Variants in MYH14 observed in about 807,000 individuals in gnomAD.
MYH14 encodes myosin heavy chain 14, also known as myosin-14.
Under a neutral mutation model 255.5 loss-of-function variants are expected in MYH14, and 123 were observed. The ratio of observed to expected loss-of-function variants is 0.48; its 90% CI spans 0.42 to 0.56. MYH14 has a LOEUF of 0.56. Among genes scored for constraint, MYH14 ranks in the 20% least tolerant of loss-of-function variants. The pLI, the probability that MYH14 is intolerant of heterozygous loss-of-function variation, is 0.00. For synonymous variants in MYH14, 1,095 were observed against 1,161.2 expected (o/e 0.94, Z 1.16); for missense variants, 2,423 against 2,802.3 (o/e 0.86, Z 3.06).
chr19:50,291,033 G>A lies in MYH14; in HGVS notation c.5112G>A (p.Gln1704=). The change falls in exon 36 of 43, where the codon CAG becomes CAA. Residue 1704 remains glutamine (Q), a synonymous_variant. Transcript: ENST00000642316. ...AGQGKEEAVK[Q]LRKMQAQMKE... ...AGGGCAAGGAGGAGGCGGTGAAGCA[G>A]CTTCGCAAGATGCAGGTAAGAGCCG... is the stretch of plus-strand genomic sequence containing the variant. 1.2e-6 allele frequency: 2 copies of A among 1,613,058 alleles called. No individual in the cohort carries two copies. The highest frequency in any genetic ancestry group is 8.5e-7 in the Non-Finnish European group (1 of 1,179,698).
intron 35 of MYH14, 117 bp downstream of exon 35, chr19:50,289,765 C>A: frequency 1.1e-6 from 1 of 917,104 alleles, no homozygotes. Context: ...TCTGTCTCCT[C>A]CACCCGCCGA....
At chr19:50,236,058 G>A (rs912129755) in intron 10 of MYH14, among the ~76,000 whole-genome samples, 8 of 151,492 alleles carry the variant, frequency 5.3e-5, no homozygotes, top group Non-Finnish European at 5.9e-5. Context: ...CTAAGCCAGC[G>A]CAGTGGCTCA....
At chr19:50,262,139 G>A (rs916695728) in intron 21 of MYH14, among the ~76,000 whole-genome samples, 2 of 152,156 alleles carry the variant, frequency 1.3e-5, no homozygotes, top group Non-Finnish European at 2.9e-5. Context: ...CAAGCAGGTG[G>A]ATGAAGGAAA....
In MYH14 at chr19:50,244,310, G is replaced by T; in HGVS notation, c.1183G>T (p.Asp395Tyr). The T allele has an allele frequency of 6.2e-7, 1 of 1,613,588 alleles. No individual in the cohort carries two copies. Among genetic ancestry groups the T allele is most frequent in the African/African-American group, 1.3e-5 (1 of 74,960 alleles). ...TGCCTTGAAGAGAGAACGGAACACC[G>T]ATCAAGCCACCATGCCTGACAACAC... ...NIALKRERNT[D>Y]QATMPDNTAA... Residue 395 changes from aspartate to tyrosine, a missense_variant, in exon 11 of 43, where the codon GAT becomes TAT. Physicochemically the swap from Asp to Tyr is radical, Grantham distance 160 (BLOSUM62 -3). Transcript: ENST00000642316.
intron 23 of MYH14, among the ~76,000 whole-genome samples, chr19:50,267,893 G>A (rs954274243): frequency 6.6e-6 from 1 of 152,044 alleles, no homozygotes; most frequent in Non-Finnish European, 1.5e-5. Flanking sequence ...ACAGAGAGGA[G>A]GGGCCAGAGA....
rs1381323756 is a variant in MYH14 at position 50,276,022 on chromosome 19, C to T, written c.3499C>T (p.Leu1167=). ...AGACGAGGGTGGGGCCCGGGCCCAG[C>T]TGCTGAAATCCCTGCGGGAGGCTCA... ...AEDEGGARAQ[L]LKSLREAQAA... Residue 1167 remains leucine, a synonymous_variant, in exon 28 of 43, where the codon CTG becomes TTG. Coordinates refer to ENST00000642316, the MANE Select transcript of MYH14 (RefSeq NM_001145809.2). This position sits in a 1 kb window ranked among gnomAD's most constrained non-coding sequence, Gnocchi z 4.3. 1 of 1,612,866 alleles carries T rather than the reference C, an allele frequency of 6.2e-7. No individual in the cohort carries two copies. Among genetic ancestry groups the T allele is most frequent in the African/African-American group, 1.3e-5 (1 of 74,934 alleles).
chr19:50,225,540 GC>G, intron 6 of MYH14, 44 bp from the exon 7 acceptor site: 1 of 1,531,858 alleles, frequency 6.5e-7, no homozygotes, highest in East Asian at 2.3e-5. Flanking sequence ...CTGGCCTCCT[GC>G]CCCATTCTCA....
chr19:50,287,786 A>C (rs1035967417), intron 34 of MYH14, among the ~76,000 whole-genome samples: 1 of 152,176 alleles, frequency 6.6e-6, no homozygotes. Context: ...CTCACCACAC[A>C]TATGTATGGA....
rs988560850 is a variant in MYH14, at chr19:50,276,621, C to T, written c.3681-136C>T. On this transcript the variant is annotated intron_variant, in intron 28 of 42. Coordinates refer to ENST00000642316, the MANE Select transcript of MYH14 (RefSeq NM_001145809.2). This position sits in a 1 kb window ranked among gnomAD's most constrained non-coding sequence, Gnocchi z 4.3. ...CACACTCCTTCCACAGCATCACCACCCAGATCTCCTGAGGAGCATAACATG... is the reference window on the plus strand; with the variant it reads ...CACACTCCTTCCACAGCATCACCACTCAGATCTCCTGAGGAGCATAACATG... 8.9e-7 allele frequency: 1 copy of T among 1,126,158 alleles called. No individual in the cohort carries two copies. Among genetic ancestry groups the T allele is most frequent in the Non-Finnish European group, 1.3e-6 (1 of 770,790 alleles). 69.8% of individuals were successfully genotyped at this position (1,126,158 alleles called of 1,614,324 possible).
In MYH14 at chr19:50,268,181, C is replaced by T. The variant is rs1470915051; in HGVS notation, c.2847C>T (p.Arg949=). Residue 949 remains arginine (R), a synonymous_variant, in exon 24 of 43, where the codon CGC becomes CGT. Coordinates refer to ENST00000642316, the MANE Select transcript of MYH14 (RefSeq NM_001145809.2). The stretch of plus-strand genomic sequence containing the variant: ...CCCAGCTGGAAGAGGAGCGCGCCCG[C>T]CTGGCAGAGCAATTGCGAGCAGAGG... ...RVAQLEEERA[R]LAEQLRAEAE... is the part of the protein sequence containing the mutation. The T allele has an allele frequency of 6.5e-7, 1 of 1,549,600 alleles. No homozygotes were observed. The highest frequency in any genetic ancestry group is 1.2e-5 in the South Asian group (1 of 84,090).
chr19:50,234,238 G>C (rs2033552359), intron 10 of MYH14, among the ~76,000 whole-genome samples: 1 of 152,136 alleles, frequency 6.6e-6, no homozygotes, highest in Non-Finnish European at 1.5e-5. Flanking sequence ...TTTTAGGAGG[G>C]GGTGGTGTAG....
Position 50,230,927 on chromosome 19 carries a change from TCG to T in MYH14, c.973+309_973+310del. On this transcript the variant is annotated intron_variant, in intron 9 of 42. Transcript: ENST00000642316. This position sits in a 1 kb window ranked among gnomAD's most constrained non-coding sequence, Gnocchi z 4.7. ...CTTCCGAAGCTCCGTGGCTTCTCTC[TCG>T]CGCGGCTTCTCCTCACTCCGGCGGG... 2.6e-6 allele frequency: 1 copy of T among 382,454 alleles called. No individual in the cohort carries two copies. The highest frequency in any genetic ancestry group is 4.9e-6 in the Non-Finnish European group (1 of 205,260). The allele number at this position is 382,454 out of a possible 1,614,324, so 23.7% of individuals were successfully genotyped here.
chr19:50,207,515 G>T (rs2031877930), intron 1 of MYH14, among the ~76,000 whole-genome samples: 1 of 151,828 alleles, frequency 6.6e-6, no homozygotes, highest in African/African-American at 2.4e-5. Context: ...CCTAGGCCAG[G>T]AGCTCCTCCA....
intron 2 of MYH14, among the ~76,000 whole-genome samples, chr19:50,212,557 C>T (rs1307464110): frequency 6.6e-6 from 1 of 152,214 alleles, no homozygotes; most frequent in African/African-American, 2.4e-5. Context: ...TGAACCCAGG[C>T]AGCTGGTTCC....
intron 40 of MYH14, among the ~76,000 whole-genome samples, chr19:50,302,284 T>TAAA (rs57153887): frequency 1.7e-5 from 2 of 117,378 alleles, no homozygotes; most frequent in Non-Finnish European, 1.8e-5. Flanking sequence ...ACCTTGTCTC[T>TAAA]AAAAAAAAAA....
At chr19:50,302,578 A>G (rs529790413) in intron 40 of MYH14, among the ~76,000 whole-genome samples, 11 of 148,498 alleles carry the variant, frequency 7.4e-5, no homozygotes, top group African/African-American at 2.5e-4. Context: ...GCCAGACTCC[A>G]TTTAAAAAAA....
intron 15 of MYH14, among the ~76,000 whole-genome samples, chr19:50,251,541 C>T (rs879280967): frequency 0.072 from 10,415 of 145,558 alleles, 532 homozygotes; most frequent in Admixed American, 0.13. Context: ...CACACACACA[C>T]ACACACACAC....
Position 50,250,116 on chromosome 19 carries a change from C to T in MYH14, c.1656+293C>T, listed in dbSNP as rs1046819714. On this transcript the variant is annotated intron_variant, in intron 14 of 42. Transcript: ENST00000642316. This position sits in a 1 kb window ranked among gnomAD's most constrained non-coding sequence, Gnocchi z 5.4. ...TTGTTTTGTTTTGTTTTGTTTTTTTCTTGAGACGGAGTCTCGCTCTATCGC... is the reference window on the plus strand; with the variant it reads ...TTGTTTTGTTTTGTTTTGTTTTTTTTTTGAGACGGAGTCTCGCTCTATCGC... 5.3e-5 allele frequency among the ~76,000 whole-genome samples: 8 copies of T among 151,888 alleles called. No individual in the cohort carries two copies. Among genetic ancestry groups the T allele is most frequent in the Non-Finnish European group, 1.2e-4 (8 of 67,976 alleles).
intron 32 of MYH14, among the ~76,000 whole-genome samples, 182 bp from the exon 33 acceptor site, chr19:50,281,411 TG>T (rs2035713004): frequency 6.6e-6 from 1 of 152,220 alleles, no homozygotes; most frequent in Admixed American, 6.5e-5. Flanking sequence ...TTTAATTCCC[TG>T]GAAGAACTAG....
Sources: allele counts gnomAD v4.1 joint callset (sites outside exome capture counted in the v4.1 genomes callset), GRCh38; gene constraint gnomAD v4.1.1; non-coding constraint Gnocchi (gnomAD v3.1); transcripts MANE v1.5; gene names NCBI Gene and HGNC (gene_info 2026-07-23, HGNC 2026-07-21).